GRIK1: variants seen among roughly 807,000 people sequenced by gnomAD.
The protein encoded by GRIK1 is glutamate receptor ionotropic, kainate 1.
A neutral mutation model predicts 105.7 loss-of-function variants in GRIK1; 69 were observed. That is an observed-to-expected ratio of 0.65 (90% CI 0.54 to 0.80). The LOEUF is 0.80. Ranked by LOEUF, GRIK1 falls within the 30% of genes least tolerant of loss-of-function variation. The pLI is 0.00. For synonymous variants in GRIK1, 438 were observed against 431.3 expected, an observed-to-expected ratio of 1.02 and a Z score of -0.19; for missense variants, 1,109 against 1,167.3, an observed-to-expected ratio of 0.95 and a Z score of 0.73.
At position 29,939,652 on chromosome 21, in the gene GRIK1, C is replaced by T. The variant is rs2071909421; in HGVS notation, c.-152G>A. 1.9e-6 allele frequency: 1 copy of T among 534,680 alleles called. No individual in the cohort carries two copies. Among genetic ancestry groups the T allele is most frequent in the Non-Finnish European group, 3.3e-6 (1 of 307,690 alleles). 33.1% of individuals were successfully genotyped at this position (534,680 alleles called of 1,614,324 possible). A position where few individuals can be genotyped will look rare whatever the true frequency, so the allele number is the denominator to read the frequency against. On this transcript the variant is annotated 5_prime_UTR_variant, in exon 1 of 18. Transcript: ENST00000327783. Reference sequence around the variant, plus strand: ...CCCACGGAGCGAGCTCGAGGGAACCCGCGTGGGACCGCGGAGCTGGCTGGC... The same window carrying T: ...CCCACGGAGCGAGCTCGAGGGAACCTGCGTGGGACCGCGGAGCTGGCTGGC...
At chr21:29,680,388 C>T (rs2063347738) in intron 3 of GRIK1, among the ~76,000 whole-genome samples, 1 of 151,980 alleles carries the variant, frequency 6.6e-6, no homozygotes, top group African/African-American at 2.4e-5. Flanking sequence ...GTTTCCAGAA[C>T]CTGAGCGTAT....
chr21:29,605,345 C>A (rs182101040), intron 7 of GRIK1, among the ~76,000 whole-genome samples: 1 of 152,278 alleles, frequency 6.6e-6, no homozygotes, highest in African/African-American at 2.4e-5. Flanking sequence ...CATGAGTTTG[C>A]TGAGGATAAC....
chr21:29,794,857 ACT>A (rs1246080534), intron 1 of GRIK1, among the ~76,000 whole-genome samples: 1 of 151,704 alleles, frequency 6.6e-6, no homozygotes, highest in Non-Finnish European at 1.5e-5. Context: ...CTCTTCATTC[ACT>A]CCATTTACTC....
chr21:29,692,315 T>C (rs1482587272), intron 2 of GRIK1, among the ~76,000 whole-genome samples: 1 of 152,130 alleles, frequency 6.6e-6, no homozygotes, highest in Non-Finnish European at 1.5e-5. Context: ...GTAGGAGTGT[T>C]AGTGTCTGTT....
At chr21:29,600,043 G>A (rs554455329) in intron 7 of GRIK1, among the ~76,000 whole-genome samples, 9 of 152,216 alleles carry the variant, frequency 5.9e-5, no homozygotes, top group African/African-American at 1.9e-4. Context: ...CCGAGATTAT[G>A]CCATTGCACT....
intron 1 of GRIK1, among the ~76,000 whole-genome samples, chr21:29,783,969 C>T (rs941994939): frequency 6.6e-6 from 1 of 152,106 alleles, no homozygotes; most frequent in Admixed American, 6.6e-5. Flanking sequence ...CTCGCTCTGT[C>T]GCCCAGGCTG....
chr21:29,840,380 C>A (rs545601123), intron 1 of GRIK1, among the ~76,000 whole-genome samples: 4 of 152,214 alleles, frequency 2.6e-5, no homozygotes, highest in Admixed American at 2.6e-4. Flanking sequence ...TCTAGCAATG[C>A]ATCAGAAGGG....
intron 2 of GRIK1, among the ~76,000 whole-genome samples, 159 bp from the exon 3 acceptor site, chr21:29,690,144 C>T (rs996475158): frequency 6.6e-5 from 10 of 152,308 alleles, no homozygotes; most frequent in African/African-American, 1.9e-4. Context: ...TGAGGAAATA[C>T]GGTTGGTCCA....
chr21:29,824,691 T>C (rs2067399554), intron 1 of GRIK1, among the ~76,000 whole-genome samples: 1 of 150,454 alleles, frequency 6.6e-6, no homozygotes, highest in Non-Finnish European at 1.5e-5. Context: ...TGGCGAGAAG[T>C]CATTGCACGT....
chr21:29,781,285 C>T (rs1004072872), intron 1 of GRIK1, among the ~76,000 whole-genome samples: 1 of 152,006 alleles, frequency 6.6e-6, no homozygotes, highest in Non-Finnish European at 1.5e-5. Flanking sequence ...TTCCTAAAAC[C>T]TCCTTCCCTC....
chr21:29,872,113 G>A (rs1465710886), intron 1 of GRIK1, among the ~76,000 whole-genome samples: 2 of 151,394 alleles, frequency 1.3e-5, no homozygotes, highest in Non-Finnish European at 2.9e-5. Flanking sequence ...TATTAATGGT[G>A]TACGACATGA....
At chr21:29,808,881 A>T (rs1204593423) in intron 1 of GRIK1, among the ~76,000 whole-genome samples, 6 of 152,140 alleles carry the variant, frequency 3.9e-5, no homozygotes, top group Admixed American at 1.3e-4. Flanking sequence ...ACACAAAGAA[A>T]ATCAAGGCTT....
chr21:29,617,776 T>C (rs544101255), intron 7 of GRIK1, among the ~76,000 whole-genome samples: 3 of 152,338 alleles, frequency 2.0e-5, no homozygotes, highest in African/African-American at 7.2e-5. Flanking sequence ...TTCCTCTGCA[T>C]CCTTAATGCA....
At chr21:29,897,124 T>C (rs1203675951) in intron 1 of GRIK1, among the ~76,000 whole-genome samples, 1 of 152,232 alleles carries the variant, frequency 6.6e-6, no homozygotes, top group Non-Finnish European at 1.5e-5. Flanking sequence ...AATCTCGACC[T>C]GATAATTTTT....
chr21:29,650,214 T>C (rs2062702863), intron 6 of GRIK1, among the ~76,000 whole-genome samples: 1 of 152,198 alleles, frequency 6.6e-6, no homozygotes, highest in Non-Finnish European at 1.5e-5. Flanking sequence ...CTTTCATTTG[T>C]TCCTCATAAG....
chr21:29,565,352 C>T (rs188495553), intron 14 of GRIK1, among the ~76,000 whole-genome samples: 31 of 152,260 alleles, frequency 2.0e-4, no homozygotes, highest in African/African-American at 7.2e-4. Flanking sequence ...CAGGAAGACC[C>T]AAAATGTGGC....
At chr21:29,763,627 A>C (rs1310243618) in intron 1 of GRIK1, 1 of 152,274 alleles carries the variant, frequency 6.6e-6, no homozygotes, top group Non-Finnish European at 1.5e-5. Flanking sequence ...ACAAGAGCCA[A>C]ATATGCTCCT....
intron 1 of GRIK1, among the ~76,000 whole-genome samples, chr21:29,748,567 T>G (rs914987231): frequency 4.6e-5 from 7 of 152,252 alleles, no homozygotes; most frequent in Admixed American, 6.5e-5. Context: ...CATTTAATGA[T>G]TTTTATGACC....
At chr21:29,731,562 C>T (rs1272457699) in intron 1 of GRIK1, among the ~76,000 whole-genome samples, 1 of 152,184 alleles carries the variant, frequency 6.6e-6, no homozygotes, top group Non-Finnish European at 1.5e-5. Flanking sequence ...CTGGGCACAA[C>T]AGTTTTGGCA....
Sources: allele counts gnomAD v4.1 joint callset (sites outside exome capture counted in the v4.1 genomes callset), GRCh38; gene constraint gnomAD v4.1.1; transcripts MANE v1.5; gene names NCBI Gene and HGNC (gene_info 2026-07-23, HGNC 2026-07-21).